Variants in RYR1 observed in about 807,000 individuals in gnomAD.
The protein encoded by RYR1 is ryanodine receptor 1.
RYR1 carries 342 observed loss-of-function variants against 583.5 expected under a neutral mutation model. The ratio of observed to expected loss-of-function variants is 0.59; its 90% CI spans 0.54 to 0.64. The LOEUF (loss-of-function observed/expected upper bound fraction) is 0.64, where lower values mean the gene tolerates loss of function less well. Among genes scored for constraint, RYR1 ranks in the 30% least tolerant of loss-of-function variants. The pLI, the probability that RYR1 is intolerant of heterozygous loss-of-function variation, is 0.00. For missense variants in RYR1, 6,032 were observed against 6,917.2 expected, an observed-to-expected ratio of 0.87 and a Z score of 4.54; for synonymous variants, 2,791 against 2,822.5, an observed-to-expected ratio of 0.99 and a Z score of 0.35.
Position 38,444,600 on chromosome 19 carries a change from G to C in RYR1, c.554G>C (p.Ser185Thr). Residue 185 changes from serine (S) to threonine (T), a missense_variant, in exon 7 of 106, where the codon AGT becomes ACT. Coordinates refer to ENST00000359596, the MANE Select transcript of RYR1 (RefSeq NM_000540.3). The surrounding 1 kb of genome is among the most constrained non-coding windows in gnomAD (Gnocchi z 5.1). ...SERYLHLSTA[S>T]GELQVDASFM... is the part of the protein sequence containing the mutation. ...GGCCCCCAGCACCTGTCGACCGCCA[G>C]TGGGGAGCTCCAGGTTGACGCTTCC... 1 of 1,613,962 alleles carries C rather than the reference G, an allele frequency of 6.2e-7. No individual in the cohort carries two copies. Among genetic ancestry groups the C allele is most frequent in the South Asian group, 1.1e-5 (1 of 91,020 alleles).
At chr19:38,456,938 C>G (rs966325450) in intron 16 of RYR1, among the ~76,000 whole-genome samples, 1 of 143,234 alleles carries the variant, frequency 7.0e-6, no homozygotes, top group Non-Finnish European at 1.5e-5. Flanking sequence ...CCCAGCTACT[C>G]GGGAGGCTGA....
In RYR1 at chr19:38,527,622, G is replaced by A. The variant is rs746097640; in HGVS notation, c.10687-25G>A. The A allele has an allele frequency of 1.1e-5, 17 of 1,613,590 alleles. No individual in the cohort carries two copies. In the South Asian group the frequency reaches 1.6e-4, roughly 16 times the overall value. On this transcript the variant is annotated intron_variant, in intron 72 of 105. Coordinates refer to ENST00000359596, the MANE Select transcript of RYR1 (RefSeq NM_000540.3). Reference sequence around the variant, plus strand: ...CACTGTGGGAAGGGTCCCTCACGCCGGCCACTCCTTCTTCCTCCCTTCAGG... The same window carrying A: ...CACTGTGGGAAGGGTCCCTCACGCCAGCCACTCCTTCTTCCTCCCTTCAGG...
intron 89 of RYR1, among the ~76,000 whole-genome samples, chr19:38,550,074 A>G (rs921318771): frequency 6.6e-6 from 1 of 151,916 alleles, no homozygotes; most frequent in African/African-American, 2.4e-5. Flanking sequence ...TTTACTTTGA[A>G]ACACTTCAGC....
chr19:38,525,615 A>G, intron 71 of RYR1, 113 bp downstream of exon 71: 1 of 1,193,584 alleles, frequency 8.4e-7, no homozygotes, highest in Non-Finnish European at 1.2e-6. Context: ...GGTCCCTGGG[A>G]GCCTTCCCTT....
rs1312247378 is a variant in RYR1, at chr19:38,570,615, G to A, written c.13668G>A (p.Leu4556=). The change falls in exon 94 of 106, where the codon CTG becomes CTA. Residue 4556 remains leucine, a synonymous_variant. Transcript: ENST00000359596. ...TTTCTCTTCTCTCTCAGAACTACCTGTCCCGGAACTTTTACACCCTGCGGT... is the reference window on the plus strand; with the variant it reads ...TTTCTCTTCTCTCTCAGAACTACCTATCCCGGAACTTTTACACCCTGCGGT... ...EVQRVKFLNY[L]SRNFYTLRFL... 1.9e-6 allele frequency: 3 copies of A among 1,613,816 alleles called. No homozygotes were observed. In the Admixed American group the frequency reaches 5.0e-5, roughly 27 times the overall value.
At chr19:38,576,087 G>T in intron 97 of RYR1, 126 bp downstream of exon 97, 2 of 1,011,686 alleles carry the variant, frequency 2.0e-6, no homozygotes, top group Non-Finnish European at 1.6e-6. Flanking sequence ...TTTCTGAGTA[G>T]CACCTCAGTT....
At chr19:38,550,908 G>A (rs915794879) in intron 89 of RYR1, among the ~76,000 whole-genome samples, 9 of 151,750 alleles carry the variant, frequency 5.9e-5, no homozygotes, top group African/African-American at 2.2e-4. Context: ...TTCTCATTTC[G>A]CCGTATGCTT....
At chr19:38,577,410 C>T (rs4802617) in intron 97 of RYR1, among the ~76,000 whole-genome samples, 8,228 of 152,164 alleles carry the variant, frequency 0.054, 374 homozygotes, top group East Asian at 0.11. Context: ...CCTGGGATCC[C>T]GTGTTAAACA....
At chr19:38,562,878 AC>A (rs1415432569) in intron 90 of RYR1, among the ~76,000 whole-genome samples, 1 of 151,860 alleles carries the variant, frequency 6.6e-6, no homozygotes, top group Non-Finnish European at 1.5e-5. Flanking sequence ...GTGTCTCCTC[AC>A]ATACTCCGCA....
chr19:38,580,294 G>A, intron 100 of RYR1, 76 bp from the exon 101 acceptor site: 1 of 1,582,158 alleles, frequency 6.3e-7, no homozygotes, highest in South Asian at 1.1e-5. Context: ...CTGAACCGGG[G>A]CCAGGACCCA....
At chr19:38,454,865 C>G (rs1369104778) in intron 13 of RYR1, among the ~76,000 whole-genome samples, 1 of 151,284 alleles carries the variant, frequency 6.6e-6, no homozygotes, top group African/African-American at 2.4e-5. Context: ...CTGGGCCTCT[C>G]CAGTTGGTGG....
intron 33 of RYR1, among the ~76,000 whole-genome samples, chr19:38,484,772 C>A (rs998474190): frequency 3.3e-5 from 5 of 152,068 alleles, no homozygotes; most frequent in Non-Finnish European, 5.9e-5. Context: ...GGGTTTGAAA[C>A]CACCAGGAAG....
chr19:38,555,409 T>C (rs1308412374), intron 89 of RYR1, among the ~76,000 whole-genome samples: 1 of 142,320 alleles, frequency 7.0e-6, no homozygotes, highest in East Asian at 2.0e-4. Context: ...ACCACTGCAC[T>C]CCACTCCAGC....
At chr19:38,505,662 G>A (rs1016824938) in intron 53 of RYR1, 144 bp from the exon 54 acceptor site, 6 of 1,056,454 alleles carry the variant, frequency 5.7e-6, no homozygotes, top group Admixed American at 2.1e-5. Flanking sequence ...GGGAGGCTCT[G>A]TTACAGAGCA....
chr19:38,529,795 T>C (rs1428536993), intron 76 of RYR1, among the ~76,000 whole-genome samples: 2 of 152,138 alleles, frequency 1.3e-5, no homozygotes, highest in African/African-American at 4.8e-5. Flanking sequence ...GCGCAGCTGC[T>C]GCCGCTGCTG....
rs1007671491 is a variant in RYR1, at chr19:38,469,133, T to C, written c.3549T>C (p.Ile1183=). 12 of 1,614,072 alleles carry C rather than the reference T, an allele frequency of 7.4e-6. No homozygotes were observed. In the African/African-American group the frequency reaches 1.5e-4, roughly 20 times the overall value. Reference sequence around the variant, plus strand: ...AAACAGCCTTCCGGGAGATTGAGATTGGGGACGGTGAGGGCTGAGACCCCT... The same window carrying C: ...AAACAGCCTTCCGGGAGATTGAGATCGGGGACGGTGAGGGCTGAGACCCCT... ...GSETAFREIE[I]GDGFLPVCSL... The change falls in exon 26 of 106, where the codon ATT becomes ATC. Residue 1183 remains isoleucine (I), a synonymous_variant. Coordinates refer to ENST00000359596, the MANE Select transcript of RYR1 (RefSeq NM_000540.3).
chr19:38,494,218 G>T, intron 38 of RYR1, 134 bp from the exon 39 acceptor site: 1 of 966,994 alleles, frequency 1.0e-6, no homozygotes, highest in East Asian at 2.4e-5. Flanking sequence ...GCTCCCAGCA[G>T]GTGGAGGGCG....
At chr19:38,438,953 CTT>C (rs1568430367) in intron 1 of RYR1, among the ~76,000 whole-genome samples, 1 of 151,830 alleles carries the variant, frequency 6.6e-6, no homozygotes, top group African/African-American at 2.4e-5. Flanking sequence ...TCAAGTAATC[CTT>C]CTGCCTCAGC....
intron 34 of RYR1, among the ~76,000 whole-genome samples, chr19:38,488,715 G>A (rs973351200): frequency 2.6e-5 from 4 of 152,094 alleles, no homozygotes. Context: ...ATGTTGGCCA[G>A]GCTGGTCTCG....
Sources: allele counts gnomAD v4.1 joint callset (sites outside exome capture counted in the v4.1 genomes callset), GRCh38; gene constraint gnomAD v4.1.1; non-coding constraint Gnocchi (gnomAD v3.1); transcripts MANE v1.5; gene names NCBI Gene and HGNC (gene_info 2026-07-23, HGNC 2026-07-21).